Variants in SPTLC1 observed in about 807,000 individuals in gnomAD.
SPTLC1 encodes serine palmitoyltransferase long chain base subunit 1, also known as serine palmitoyltransferase 1.
In SPTLC1, 55 loss-of-function variants were observed where a neutral mutation model predicts 68.9. The ratio of observed to expected loss-of-function variants is 0.80; its 90% CI spans 0.64 to 1.00. The LOEUF (loss-of-function observed/expected upper bound fraction) is 1.00, where lower values mean the gene tolerates loss of function less well. SPTLC1 is among the 50% of genes least tolerant of loss of function. SPTLC1 has a pLI of 0.00. For missense variants in SPTLC1, 449 were observed against 573.1 expected (o/e 0.78, Z 2.21); for synonymous variants, 197 against 201.6 (o/e 0.98, Z 0.19).
intron 6 of SPTLC1, among the ~76,000 whole-genome samples, chr9:92,065,574 G>A (rs1350433979): frequency 6.6e-6 from 1 of 152,000 alleles, no homozygotes; most frequent in East Asian, 1.9e-4. Flanking sequence ...GAGTTCACCA[G>A]TAACCATCAA....
intron 3 of SPTLC1, among the ~76,000 whole-genome samples, chr9:92,097,033 A>G (rs1835551132): frequency 6.6e-6 from 1 of 152,238 alleles, no homozygotes; most frequent in Non-Finnish European, 1.5e-5. Flanking sequence ...CATTTCTCCA[A>G]AGAAAATATA....
At chr9:92,032,615 C>G in intron 14 of SPTLC1, 57 bp from the exon 15 acceptor site, 5 of 1,609,706 alleles carry the variant, frequency 3.1e-6, no homozygotes, top group Non-Finnish European at 4.2e-6. Context: ...CAGTGGCTCA[C>G]GCCTGTAATC....
In SPTLC1 at chr9:92,110,595, C is replaced by A. The variant is rs549292449; in HGVS notation, c.166-1761G>T. 7 of 152,312 alleles carry A rather than the reference C, an allele frequency of 4.6e-5. No individual in the cohort carries two copies. The East Asian group carries it at 1.3e-3, about 29-fold the overall frequency. 9.4% of individuals were successfully genotyped at this position (152,312 alleles called of 1,614,324 possible). A position where few individuals can be genotyped will look rare whatever the true frequency, so the allele number is the denominator to read the frequency against. On this transcript the variant is annotated intron_variant, in intron 2 of 14. Transcript: ENST00000262554. Reference sequence around the variant, plus strand: ...ACCAAATGCCATTTATTTATATTAACATTATATTAGCATATACCATAGCAC... The same window carrying A: ...ACCAAATGCCATTTATTTATATTAAAATTATATTAGCATATACCATAGCAC...
intron 4 of SPTLC1, 141 bp downstream of exon 4, chr9:92,080,729 G>A (rs1834851038): frequency 2.8e-6 from 2 of 705,874 alleles, no homozygotes; most frequent in South Asian, 1.5e-5. Flanking sequence ...TGGTAGAGAT[G>A]GGGTTTCACC....
chr9:92,062,143 ACAC>A (rs1347334622), intron 6 of SPTLC1, among the ~76,000 whole-genome samples: 1 of 152,214 alleles, frequency 6.6e-6, no homozygotes, highest in Non-Finnish European at 1.5e-5. Context: ...AGATTTATAC[ACAC>A]AACTATGTAA....
At chr9:92,114,749 A>AT (rs1195515903) in intron 1 of SPTLC1, among the ~76,000 whole-genome samples, 1 of 145,152 alleles carries the variant, frequency 6.9e-6, no homozygotes, top group African/African-American at 2.5e-5. Flanking sequence ...AAAAAAAAAC[A>AT]AAAATAAATA....
chr9:92,055,617 A>G lies in SPTLC1; in HGVS notation c.691-123T>C, dbSNP rs1833862301. ...CTAAAAAAATATTCTGAATGAATTG[A>G]AAGCTCAGTGTTTGTGATGGGTTAT... On this transcript the variant is annotated intron_variant, in intron 7 of 14. Coordinates refer to ENST00000262554, the MANE Select transcript of SPTLC1 (RefSeq NM_006415.4). 10 of 981,386 alleles carry G rather than the reference A, an allele frequency of 1.0e-5. No individual in the cohort carries two copies. The South Asian group carries it at 1.4e-4, about 14-fold the overall frequency. The allele number at this position is 981,386 out of a possible 1,614,324, so 60.8% of individuals were successfully genotyped here.
chr9:92,045,826 T>C (rs1230083004), intron 12 of SPTLC1, among the ~76,000 whole-genome samples, 173 bp downstream of exon 12: 1 of 152,222 alleles, frequency 6.6e-6, no homozygotes, highest in African/African-American at 2.4e-5. Context: ...CACGATTCTT[T>C]AAAACAGATG....
chr9:92,045,347 A>AT (rs574385832), intron 12 of SPTLC1, among the ~76,000 whole-genome samples: 4,747 of 140,254 alleles, frequency 0.034, 140 homozygotes, highest in South Asian at 0.11. Context: ...ACCAACCTCC[A>AT]TTTTTTTTTT....
chr9:92,082,931 T>G (rs562329557), intron 3 of SPTLC1, among the ~76,000 whole-genome samples: 1 of 152,234 alleles, frequency 6.6e-6, no homozygotes, highest in African/African-American at 2.4e-5. Flanking sequence ...TGACTGCCAT[T>G]CTAACTGGTG....
At chr9:92,064,281 AC>A (rs1267231752) in intron 6 of SPTLC1, among the ~76,000 whole-genome samples, 2 of 152,122 alleles carry the variant, frequency 1.3e-5, no homozygotes, top group African/African-American at 4.8e-5. Context: ...TGTATAAAGA[AC>A]TCTCAAAACT....
chr9:92,102,414 C>A (rs1471174894), intron 3 of SPTLC1, among the ~76,000 whole-genome samples: 2 of 152,172 alleles, frequency 1.3e-5, no homozygotes, highest in Non-Finnish European at 2.9e-5. Flanking sequence ...TCTTTCAAAT[C>A]ACCCTTGAGA....
At chr9:92,087,364 CT>C (rs1835185258) in intron 3 of SPTLC1, among the ~76,000 whole-genome samples, 2 of 152,254 alleles carry the variant, frequency 1.3e-5, no homozygotes, top group Admixed American at 1.3e-4. Flanking sequence ...TTTTCCCCAT[CT>C]TTGTGGTTTT....
At chr9:92,042,198 C>T (rs143831245) in intron 12 of SPTLC1, among the ~76,000 whole-genome samples, 1 of 152,292 alleles carries the variant, frequency 6.6e-6, no homozygotes, top group East Asian at 1.9e-4. Context: ...TGAAGAAGTG[C>T]TTCTATACTG....
chr9:92,036,665 A>G (rs1833151051), intron 13 of SPTLC1, among the ~76,000 whole-genome samples: 1 of 152,250 alleles, frequency 6.6e-6, no homozygotes, highest in Non-Finnish European at 1.5e-5. Flanking sequence ...TGAAAAAAAC[A>G]AATTCACCTG....
chr9:92,047,362 G>C (rs557849616), intron 10 of SPTLC1, 94 bp from the exon 11 acceptor site: 6 of 1,015,088 alleles, frequency 5.9e-6, no homozygotes, highest in African/African-American at 3.2e-5. Context: ...CTACTGAACA[G>C]TGTGTACATG....
intron 8 of SPTLC1, among the ~76,000 whole-genome samples, chr9:92,053,130 CA>C (rs79512949): frequency 2.4e-4 from 34 of 140,206 alleles, no homozygotes; most frequent in South Asian, 6.9e-4. Flanking sequence ...AACAAACAAA[CA>C]AAAAAAAAAA....
At chr9:92,034,972 G>A in intron 13 of SPTLC1, 89 bp from the exon 14 acceptor site, 1 of 1,050,106 alleles carries the variant, frequency 9.5e-7, no homozygotes, top group Non-Finnish European at 1.5e-6. Flanking sequence ...TGCAACGGTA[G>A]CTTTAATTCA....
chr9:92,053,316 A>T (rs950774881), intron 8 of SPTLC1, among the ~76,000 whole-genome samples: 1 of 152,206 alleles, frequency 6.6e-6, no homozygotes, highest in Admixed American at 6.5e-5. Flanking sequence ...GCTGATAGGA[A>T]TGTAAAATGG....
Sources: gnomAD v4.1 joint callset for allele counts (sites outside exome capture counted in the v4.1 genomes callset) on GRCh38, gnomAD v4.1.1 for gene constraint, MANE v1.5 for transcripts, NCBI Gene and HGNC (gene_info 2026-07-23, HGNC 2026-07-21) for gene names.